Variants in GABRB2 observed in about 807,000 individuals in gnomAD.
The protein encoded by GABRB2 is gamma-aminobutyric acid type A receptor subunit beta2.
A neutral mutation model predicts 54.7 loss-of-function variants in GABRB2; 16 were observed. The ratio of observed to expected loss-of-function variants is 0.29; its 90% CI spans 0.20 to 0.44. The LOEUF (loss-of-function observed/expected upper bound fraction) is 0.44, where lower values mean the gene tolerates loss of function less well. Among genes scored for constraint, GABRB2 ranks in the 20% least tolerant of loss-of-function variants. The pLI is 1.00. For missense variants in GABRB2, 355 were observed against 644.0 expected (o/e 0.55, Z 4.86); for synonymous variants, 244 against 233.8 (o/e 1.04, Z -0.40).
chr5:161,405,670 G>A (rs1756330228), intron 5 of GABRB2, among the ~76,000 whole-genome samples: 1 of 151,984 alleles, frequency 6.6e-6, no homozygotes, highest in African/African-American at 2.4e-5. Flanking sequence ...TTTACCTGGG[G>A]TGGAGAAACA....
chr5:161,390,704 A>T (rs536740702), intron 5 of GABRB2, among the ~76,000 whole-genome samples: 26 of 152,212 alleles, frequency 1.7e-4, no homozygotes, highest in Admixed American at 1.4e-3. Flanking sequence ...TAAAAAATTT[A>T]AAAAAATAGG....
intron 4 of GABRB2, among the ~76,000 whole-genome samples, chr5:161,425,349 T>G (rs1215163853): frequency 6.6e-6 from 1 of 152,036 alleles, no homozygotes; most frequent in Non-Finnish European, 1.5e-5. Context: ...TGTTGTCTTA[T>G]TTTAATAAAT....
intron 9 of GABRB2, 79 bp downstream of exon 9, chr5:161,326,289 C>T (rs1758358597): frequency 6.3e-7 from 1 of 1,580,334 alleles, no homozygotes; most frequent in Non-Finnish European, 8.6e-7. Flanking sequence ...AAAGATCCCA[C>T]ACATTTTTTA....
chr5:161,453,901 G>T (rs973909338), intron 4 of GABRB2, among the ~76,000 whole-genome samples: 3 of 151,836 alleles, frequency 2.0e-5, no homozygotes, highest in Non-Finnish European at 4.4e-5. Context: ...AGCCAGGTGT[G>T]GTGGTGAGCA....
In GABRB2 at chr5:161,383,666, G is replaced by C. The variant is rs866505690; in HGVS notation, c.541+27309C>G. Among the ~76,000 whole-genome samples the C allele has an allele frequency of 3.0e-4, 45 of 152,252 alleles. 1 individual carries two copies. In the South Asian group the frequency reaches 3.3e-3, roughly 11 times the overall value. ...GATAGTGAAGCTCTACAAAACAGTT[G>C]AACATTTCCATCACTGCGGAACAAT... On this transcript the variant is annotated intron_variant, in intron 5 of 9. Coordinates refer to ENST00000393959, the MANE Select transcript of GABRB2 (RefSeq NM_001371727.1).
chr5:161,537,974 A>T (rs1760695104), intron 3 of GABRB2, among the ~76,000 whole-genome samples: 1 of 150,924 alleles, frequency 6.6e-6, no homozygotes, highest in African/African-American at 2.4e-5. Context: ...CACACTTCTA[A>T]CCCCCTTCTT....
chr5:161,395,621 A>C (rs760190323), intron 5 of GABRB2, among the ~76,000 whole-genome samples: 1 of 152,198 alleles, frequency 6.6e-6, no homozygotes, highest in Non-Finnish European at 1.5e-5. Context: ...AGGGAAATTA[A>C]GAAAGGCTTT....
intron 9 of GABRB2, 114 bp downstream of exon 9, chr5:161,326,254 G>A (rs1580981140): frequency 7.0e-7 from 1 of 1,432,026 alleles, no homozygotes; most frequent in East Asian, 2.4e-5. Context: ...AAGACTCTGT[G>A]GATACATGTT....
chr5:161,346,194 T>A (rs1754314412), intron 5 of GABRB2, among the ~76,000 whole-genome samples: 1 of 152,210 alleles, frequency 6.6e-6, no homozygotes, highest in African/African-American at 2.4e-5. Flanking sequence ...AATTCGTAAT[T>A]TCATTCCTAA....
At chr5:161,369,075 GCATTTA>G (rs1179376991) in intron 5 of GABRB2, among the ~76,000 whole-genome samples, 2 of 152,160 alleles carry the variant, frequency 1.3e-5, no homozygotes, top group African/African-American at 4.8e-5. Flanking sequence ...GGGCCCCACC[GCATTTA>G]CATTTGGCAA....
chr5:161,509,522 C>T (rs1271693151), intron 3 of GABRB2, among the ~76,000 whole-genome samples: 1 of 151,952 alleles, frequency 6.6e-6, no homozygotes, highest in Non-Finnish European at 1.5e-5. Flanking sequence ...TCACATTCCT[C>T]TTGGAATCAG....
chr5:161,332,743 C>T (rs1419685511), intron 7 of GABRB2, among the ~76,000 whole-genome samples: 1 of 152,038 alleles, frequency 6.6e-6, no homozygotes, highest in East Asian at 1.9e-4. Flanking sequence ...AATTTCATTC[C>T]TATGATTTTG....
At chr5:161,423,878 G>A (rs936254227) in intron 4 of GABRB2, among the ~76,000 whole-genome samples, 2 of 152,166 alleles carry the variant, frequency 1.3e-5, no homozygotes, top group Non-Finnish European at 2.9e-5. Context: ...TTCTATGCCA[G>A]TGAACACATG....
intron 3 of GABRB2, among the ~76,000 whole-genome samples, chr5:161,541,534 C>T (rs1170687179): frequency 6.6e-6 from 1 of 152,236 alleles, no homozygotes; most frequent in Non-Finnish European, 1.5e-5. Context: ...GCATCTTCTG[C>T]ATAAATTGCT....
rs541689089 is a variant in GABRB2, at chr5:161,467,524, A to T, written c.238-7680T>A. On this transcript the variant is annotated intron_variant, in intron 3 of 9. Transcript: ENST00000393959. ...AGTTTCATGTGAATAAAACTCCACA[A>T]TTGTTCAGCATAGCATATTTGTAGC... Among the ~76,000 whole-genome samples the T allele has an allele frequency of 2.0e-5, 3 of 152,210 alleles. No homozygotes were observed. In the South Asian group the frequency reaches 6.2e-4, roughly 32 times the overall value.
At chr5:161,469,822 C>T (rs1371125635) in intron 3 of GABRB2, among the ~76,000 whole-genome samples, 1 of 151,822 alleles carries the variant, frequency 6.6e-6, no homozygotes, top group Admixed American at 6.6e-5. Context: ...TCAAAGAAAC[C>T]CTATGGCCAT....
chr5:161,387,899 C>A (rs1235791079), intron 5 of GABRB2, among the ~76,000 whole-genome samples: 1 of 151,932 alleles, frequency 6.6e-6, no homozygotes, highest in African/African-American at 2.4e-5. Context: ...AATATACAAA[C>A]CCTAACAGTT....
At chr5:161,385,882 C>G (rs1308424675) in intron 5 of GABRB2, among the ~76,000 whole-genome samples, 1 of 151,164 alleles carries the variant, frequency 6.6e-6, no homozygotes, top group Non-Finnish European at 1.5e-5. Flanking sequence ...TCAAGTAAAA[C>G]ATCTAAAACA....
intron 5 of GABRB2, among the ~76,000 whole-genome samples, chr5:161,377,887 T>C (rs78937504): frequency 3.8e-4 from 58 of 152,178 alleles, no homozygotes; most frequent in Non-Finnish European, 3.5e-4. Flanking sequence ...TTATATATGT[T>C]TAATTTGTGT....
Sources: allele counts gnomAD v4.1 joint callset (sites outside exome capture counted in the v4.1 genomes callset), GRCh38; gene constraint gnomAD v4.1.1; transcripts MANE v1.5; gene names NCBI Gene and HGNC (gene_info 2026-07-23, HGNC 2026-07-21).